The following LOXL1 variants were observed in gnomAD, a reference collection of about 807,000 sequenced individuals.
The protein encoded by LOXL1 is lysyl oxidase like 1.
Under a neutral mutation model 62.2 loss-of-function variants are expected in LOXL1, and 31 were observed. The observed-to-expected ratio is 0.50, with a 90% CI of 0.37 to 0.67. LOXL1 has a LOEUF of 0.67. LOXL1 is among the 30% of genes least tolerant of loss of function. The pLI, the probability that LOXL1 is intolerant of heterozygous loss-of-function variation, is 0.00. For synonymous variants in LOXL1, 403 were observed against 384.4 expected (o/e 1.05, Z -0.56); for missense variants, 775 against 843.4 (o/e 0.92, Z 1.00).
In LOXL1 at chr15:73,930,500, G is replaced by T. The variant is rs1027705895; in HGVS notation, c.1102+2615G>T. ...CGTGGAAAATCCCAGCCCAGGGAAG[G>T]CCAAGCCTTGTGCTTGAGATCAGAC... On this transcript the variant is annotated intron_variant, in intron 1 of 6. Transcript: ENST00000261921. This position sits in a 1 kb window ranked among gnomAD's most constrained non-coding sequence, Gnocchi z 4.7. Among the ~76,000 whole-genome samples, 5 of 152,174 alleles carry T rather than the reference G, an allele frequency of 3.3e-5. No homozygotes were observed. Among genetic ancestry groups the T allele is most frequent in the Admixed American group, 3.3e-4 (5 of 15,282 alleles).
intron 1 of LOXL1, among the ~76,000 whole-genome samples, chr15:73,935,878 G>T (rs544548726): frequency 3.9e-4 from 60 of 152,140 alleles, no homozygotes; most frequent in Admixed American, 9.2e-4. Context: ...GGGTGTTCAG[G>T]ACTGACAGGG....
chr15:73,948,119 C>T (rs748141138), intron 5 of LOXL1, among the ~76,000 whole-genome samples: 1 of 152,228 alleles, frequency 6.6e-6, no homozygotes, highest in African/African-American at 2.4e-5. Flanking sequence ...CCCAGGGAAC[C>T]TTTGCCCCAG....
At chr15:73,928,661 G>A (rs1288714360) in intron 1 of LOXL1, among the ~76,000 whole-genome samples, 1 of 145,868 alleles carries the variant, frequency 6.9e-6, no homozygotes, top group East Asian at 2.0e-4. Context: ...TTTAAATAGA[G>A]TCAGTAATAG....
intron 1 of LOXL1, among the ~76,000 whole-genome samples, chr15:73,935,465 A>G (rs773259778): frequency 1.3e-5 from 2 of 152,150 alleles, no homozygotes; most frequent in African/African-American, 4.8e-5. Flanking sequence ...TGTAAGAAAT[A>G]TGAAAATTTC....
intron 1 of LOXL1, among the ~76,000 whole-genome samples, chr15:73,938,022 CA>C (rs1406434362): frequency 2.0e-5 from 3 of 152,212 alleles, no homozygotes; most frequent in Non-Finnish European, 4.4e-5. Context: ...TGCGGTCACT[CA>C]CCCCTGTAAT....
At chr15:73,949,891 G>A (rs549903407) in intron 6 of LOXL1, among the ~76,000 whole-genome samples, 3 of 152,228 alleles carry the variant, frequency 2.0e-5, no homozygotes, top group African/African-American at 7.2e-5. Context: ...CAGCTTCCTC[G>A]CTATGTGACA....
intron 1 of LOXL1, among the ~76,000 whole-genome samples, chr15:73,938,181 G>A (rs1208325194): frequency 6.6e-6 from 1 of 152,100 alleles, no homozygotes; most frequent in Non-Finnish European, 1.5e-5. Context: ...TCAGGAGGCT[G>A]AGGCAGGAGA....
At chr15:73,934,339 G>A (rs1240786887) in intron 1 of LOXL1, among the ~76,000 whole-genome samples, 3 of 152,204 alleles carry the variant, frequency 2.0e-5, no homozygotes, top group South Asian at 2.1e-4. Context: ...TGAGCTGGGC[G>A]TGGAGAATTT....
At chr15:73,946,179 G>T (rs1470638130) in intron 2 of LOXL1, among the ~76,000 whole-genome samples, 2 of 152,240 alleles carry the variant, frequency 1.3e-5, no homozygotes, top group Non-Finnish European at 2.9e-5. Flanking sequence ...GCAGCTGGCG[G>T]CCACATGGTG....
chr15:73,935,934 G>GGTGTGTGTGTGTGTGTGTGTGT (rs3056338), intron 1 of LOXL1, among the ~76,000 whole-genome samples: 10 of 131,936 alleles, frequency 7.6e-5, no homozygotes, highest in East Asian at 4.7e-4. Context: ...AGGTAGAGCT[G>GGTGTGTGTGTGTGTGTGTGTGT]GTGTGTGTGT....
chr15:73,951,854 A>G lies in LOXL1; in HGVS notation c.*17A>G, dbSNP rs1282658501. ...AGATCCTGATCTCCGGGAGGGACAG[A>G]TGGCCAATCTCTCCCCTTCCAAAGC... On this transcript the variant is annotated 3_prime_UTR_variant, in exon 7 of 7. Transcript: ENST00000261921. 1.3e-6 allele frequency: 2 copies of G among 1,538,638 alleles called. No individual in the cohort carries two copies. The highest frequency in any genetic ancestry group is 1.4e-5 in the African/African-American group (1 of 71,660).
Position 73,927,074 on chromosome 15 carries a change from G to A in LOXL1, c.291G>A (p.Ala97=), listed in dbSNP as rs1254157649. The part of the protein sequence containing the change: ...RSHGSPRRRQ[A]PSLPLPGRVG... ...ACGGGAGCCCCCGGCGTCGGCAGGC[G>A]CCGTCCCTGCCCCTGCCGGGGCGCG... is the stretch of plus-strand genomic sequence containing the variant. Residue 97 remains alanine, a synonymous_variant, in exon 1 of 7, where the codon GCG becomes GCA. Transcript: ENST00000261921. The A allele has an allele frequency of 4.6e-6, 6 of 1,310,398 alleles. No homozygotes were observed. The highest frequency in any genetic ancestry group is 2.3e-5 in the South Asian group (1 of 42,636). The allele number at this position is 1,310,398 out of a possible 1,614,324, so 81.2% of individuals were successfully genotyped here. A position where few individuals can be genotyped will look rare whatever the true frequency, so the allele number is the denominator to read the frequency against.
At chr15:73,944,796 G>A (rs2141634860) in intron 2 of LOXL1, among the ~76,000 whole-genome samples, 1 of 152,330 alleles carries the variant, frequency 6.6e-6, no homozygotes, top group East Asian at 1.9e-4. Context: ...AGGGAAGGAG[G>A]ATGTTTTGTT....
In LOXL1 at chr15:73,930,223, G is replaced by A. The variant is rs1242253543; in HGVS notation, c.1102+2338G>A. Among the ~76,000 whole-genome samples, 2 of 152,200 alleles carry A rather than the reference G, an allele frequency of 1.3e-5. No homozygotes were observed. The highest frequency in any genetic ancestry group is 2.9e-5 in the Non-Finnish European group (2 of 68,024). ...GGCCAGGGGCTTTGTGAGCCCAGAG[G>A]AGGGCCCTCCCTGTCAGGGGCTAGG... On this transcript the variant is annotated intron_variant, in intron 1 of 6. Coordinates refer to ENST00000261921, the MANE Select transcript of LOXL1 (RefSeq NM_005576.4). The surrounding 1 kb of genome is among the most constrained non-coding windows in gnomAD (Gnocchi z 4.7).
chr15:73,940,445 C>T (rs987227009), intron 1 of LOXL1, among the ~76,000 whole-genome samples: 6 of 149,132 alleles, frequency 4.0e-5, no homozygotes, highest in Admixed American at 6.9e-5. Flanking sequence ...GATATCACAG[C>T]AATTCCTGTT....
In LOXL1 at chr15:73,947,867, A is replaced by G. The variant is rs748657954; in HGVS notation, c.1567A>G (p.Ile523Val). ...NADIDCQWID[I>V]TDVQPGNYIL... Reference sequence around the variant, plus strand: ...GGACATCGACTGCCAGTGGATCGACATAACCGACGTGCAGCCTGGGAACTA... The same window carrying G: ...GGACATCGACTGCCAGTGGATCGACGTAACCGACGTGCAGCCTGGGAACTA... Residue 523 changes from isoleucine to valine, a missense_variant, in exon 5 of 7, where the codon ATA becomes GTA. Ile to Val is a conservative substitution (Grantham distance 29). Transcript: ENST00000261921. The G allele has an allele frequency of 1.2e-6, 2 of 1,609,544 alleles. No individual in the cohort carries two copies. Among genetic ancestry groups the G allele is most frequent in the Non-Finnish European group, 1.7e-6 (2 of 1,176,030 alleles).
At chr15:73,941,426 C>T (rs1184114654) in intron 1 of LOXL1, among the ~76,000 whole-genome samples, 3 of 152,158 alleles carry the variant, frequency 2.0e-5, no homozygotes, top group Admixed American at 6.5e-5. Context: ...ACACTTCTGC[C>T]GATGGCTTAG....
At position 73,930,002 on chromosome 15, in the gene LOXL1, G is replaced by A. The variant is rs958559575; in HGVS notation, c.1102+2117G>A. Among the ~76,000 whole-genome samples, 2 of 152,164 alleles carry A rather than the reference G, an allele frequency of 1.3e-5. No homozygotes were observed. Among genetic ancestry groups the A allele is most frequent in the Admixed American group, 1.3e-4 (2 of 15,284 alleles). On this transcript the variant is annotated intron_variant, in intron 1 of 6. Coordinates refer to ENST00000261921, the MANE Select transcript of LOXL1 (RefSeq NM_005576.4). The surrounding 1 kb of genome is among the most constrained non-coding windows in gnomAD (Gnocchi z 4.7). ...AGGGCAAGGCCATGTCTGAAGTGGG[G>A]GTGCTTGGTGCTTAGCAGACCTCTG...
intron 1 of LOXL1, chr15:73,941,924 G>A (rs1455617534): frequency 8.3e-6 from 2 of 240,068 alleles, no homozygotes; most frequent in South Asian, 3.6e-5. Context: ...TGGAGGGGCA[G>A]GAACAGGACG....
Sources: allele counts gnomAD v4.1 joint callset (sites outside exome capture counted in the v4.1 genomes callset), GRCh38; gene constraint gnomAD v4.1.1; non-coding constraint Gnocchi (gnomAD v3.1); transcripts MANE v1.5; gene names NCBI Gene and HGNC (gene_info 2026-07-23, HGNC 2026-07-21).